The following GRID1 variants were observed in gnomAD, a reference collection of about 807,000 sequenced individuals.
The protein encoded by GRID1 is glutamate receptor ionotropic, delta-1.
A neutral mutation model predicts 98.0 loss-of-function variants in GRID1; 28 were observed. That is an observed-to-expected ratio of 0.29 (90% CI 0.21 to 0.39). The LOEUF (loss-of-function observed/expected upper bound fraction) is 0.39. Ranked by LOEUF, GRID1 falls within the 10% of genes least tolerant of loss-of-function variation. The probability of loss-of-function intolerance (pLI) is 1.00; values close to 1 mark genes in which losing one functional copy is unlikely to be tolerated. For synonymous variants in GRID1, 553 were observed against 538.5 expected, an observed-to-expected ratio of 1.03 and a Z score of -0.37; for missense variants, 1,111 against 1,340.5, an observed-to-expected ratio of 0.83 and a Z score of 2.67.
intron 13 of GRID1, among the ~76,000 whole-genome samples, chr10:85,620,409 A>T (rs1312933612): frequency 6.6e-6 from 1 of 151,520 alleles, no homozygotes; most frequent in African/African-American, 2.4e-5. Context: ...AGATTCTGAG[A>T]TCAGAAATGT....
intron 5 of GRID1, among the ~76,000 whole-genome samples, chr10:85,911,246 G>T (rs1180113905): frequency 1.3e-5 from 2 of 152,186 alleles, no homozygotes; most frequent in African/African-American, 4.8e-5. Context: ...AGTGGTCTCT[G>T]AGATCAGGAG....
chr10:86,252,451 T>A (rs1846851118), intron 2 of GRID1, among the ~76,000 whole-genome samples: 1 of 152,362 alleles, frequency 6.6e-6, no homozygotes, highest in Middle Eastern at 3.4e-3. Flanking sequence ...CACACTGCAC[T>A]GTAAGGATTA....
At chr10:85,693,276 G>A (rs1841353875) in intron 12 of GRID1, among the ~76,000 whole-genome samples, 1 of 152,146 alleles carries the variant, frequency 6.6e-6, no homozygotes, top group Non-Finnish European at 1.5e-5. Flanking sequence ...AATTATCCCA[G>A]TTTCTGCTTA....
Position 85,937,806 on chromosome 10 carries a change from C to T in GRID1, c.727-21567G>A, listed in dbSNP as rs183666177. On this transcript the variant is annotated intron_variant, in intron 4 of 15. Coordinates refer to ENST00000327946, the MANE Select transcript of GRID1 (RefSeq NM_017551.3). ...AGAGGTCAGGAAGGCTGCTAAACAT[C>T]GTACAATGCACAGTTCTGCCCCCAC... Among the ~76,000 whole-genome samples, 302 of 152,286 alleles carry T rather than the reference C, an allele frequency of 2.0e-3. 6 individuals carry two copies. In the South Asian group the frequency reaches 0.048, roughly 24 times the overall value.
intron 2 of GRID1, among the ~76,000 whole-genome samples, chr10:86,278,810 C>G (rs975425616): frequency 5.9e-5 from 9 of 152,198 alleles, no homozygotes; most frequent in African/African-American, 2.2e-4. Flanking sequence ...ACTCTAGGCC[C>G]TGATGGCCTC....
intron 4 of GRID1, among the ~76,000 whole-genome samples, chr10:85,983,808 C>T (rs940332575): frequency 3.3e-5 from 5 of 152,292 alleles, no homozygotes; most frequent in Admixed American, 3.3e-4. Context: ...CCTCCCCAAG[C>T]CCTGGTCAAG....
chr10:86,011,049 GA>G (rs1225578081), intron 4 of GRID1, among the ~76,000 whole-genome samples: 3 of 151,992 alleles, frequency 2.0e-5, no homozygotes, highest in African/African-American at 4.8e-5. Context: ...TTTGCATTTT[GA>G]AAAAAACTCA....
intron 5 of GRID1, among the ~76,000 whole-genome samples, chr10:85,901,228 T>TTTATTTAC (rs1841381326): frequency 1.3e-5 from 1 of 79,746 alleles, no homozygotes; most frequent in African/African-American, 5.9e-5. Flanking sequence ...TTTATTTTAT[T>TTTATTTAC]TTATTTATTT....
chr10:86,019,941 A>T (rs1843028310), intron 4 of GRID1, among the ~76,000 whole-genome samples: 1 of 152,246 alleles, frequency 6.6e-6, no homozygotes, highest in Non-Finnish European at 1.5e-5. Context: ...AAATATGGCC[A>T]TGCTAGGCAC....
At position 85,938,242 on chromosome 10, in the gene GRID1, A is replaced by G. The variant is rs925184466; in HGVS notation, c.727-22003T>C. On this transcript the variant is annotated intron_variant, in intron 4 of 15. Transcript: ENST00000327946. ...ATTAAGGAGAAAAATACTTGGACAT[A>G]TTTTCTATAAGTAAGACCCAATATT... is the stretch of plus-strand genomic sequence containing the variant. Among the ~76,000 whole-genome samples, 22 of 152,244 alleles carry G rather than the reference A, an allele frequency of 1.4e-4. No individual in the cohort carries two copies. The South Asian group carries it at 2.5e-3, about 17-fold the overall frequency.
intron 8 of GRID1, among the ~76,000 whole-genome samples, chr10:85,822,327 A>C (rs1336485231): frequency 1.3e-5 from 2 of 152,234 alleles, no homozygotes; most frequent in Admixed American, 6.5e-5. Flanking sequence ...CAAAGAACTC[A>C]AACAAATTTA....
chr10:86,132,107 G>A (rs2131967165), intron 4 of GRID1, among the ~76,000 whole-genome samples: 1 of 152,316 alleles, frequency 6.6e-6, no homozygotes, highest in South Asian at 2.1e-4. Context: ...CTGTCATGGA[G>A]AGGGGACAGT....
At chr10:85,989,140 G>A (rs1415824326) in intron 4 of GRID1, among the ~76,000 whole-genome samples, 1 of 152,208 alleles carries the variant, frequency 6.6e-6, no homozygotes, top group African/African-American at 2.4e-5. Context: ...GGGGTGATCA[G>A]GGCAGGGGAA....
At chr10:86,356,278 G>A (rs141816844) in intron 2 of GRID1, among the ~76,000 whole-genome samples, 20 of 152,304 alleles carry the variant, frequency 1.3e-4, no homozygotes, top group South Asian at 6.2e-4. Flanking sequence ...CTAGCATCCC[G>A]TACCCAAAAC....
rs553516733 is a variant in GRID1, at chr10:86,192,787, G to T, written c.520+13577C>A. 1.3e-5 allele frequency among the ~76,000 whole-genome samples: 2 copies of T among 152,110 alleles called. No homozygotes were observed. The highest frequency in any genetic ancestry group is 3.9e-4 in the East Asian group (2 of 5,178). On this transcript the variant is annotated intron_variant, in intron 3 of 15. Coordinates refer to ENST00000327946, the MANE Select transcript of GRID1 (RefSeq NM_017551.3). The surrounding 1 kb of genome is among the most constrained non-coding windows in gnomAD (Gnocchi z 4.8). ...CAGCACACAGGACCAGGGCCAACAG[G>T]TGATGTTCACACCGATATATGTGGT...
intron 2 of GRID1, among the ~76,000 whole-genome samples, chr10:86,246,149 G>C (rs1846722968): frequency 6.6e-6 from 1 of 152,252 alleles, no homozygotes; most frequent in Non-Finnish European, 1.5e-5. Context: ...CTGGGAACCA[G>C]GGCCTGTGCT....
chr10:85,979,990 T>G (rs943673713), intron 4 of GRID1, among the ~76,000 whole-genome samples: 11 of 152,216 alleles, frequency 7.2e-5, no homozygotes, highest in African/African-American at 2.7e-4. Context: ...AACACAAATT[T>G]GATAAAAGCA....
intron 2 of GRID1, among the ~76,000 whole-genome samples, chr10:86,315,985 C>T (rs1381904754): frequency 6.6e-6 from 1 of 152,120 alleles, no homozygotes; most frequent in Non-Finnish European, 1.5e-5. Context: ...ATCCACTCAT[C>T]CATCTATCCA....
Position 86,366,077 on chromosome 10 carries a change from C to A in GRID1, c.79+237G>T, listed in dbSNP as rs34282419. ...TCCCCGAAGCGTCGGCCCTAAGTGT[C>A]GGTAGAGGCCGCGGGGCCCCGCGCG... On this transcript the variant is annotated intron_variant, in intron 1 of 15. Transcript: ENST00000327946. The surrounding 1 kb of genome is among the most constrained non-coding windows in gnomAD (Gnocchi z 4.1). Among the ~76,000 whole-genome samples, 39,047 of 151,884 alleles carry A rather than the reference C, an allele frequency of 0.26. 5,525 individuals carry two copies. Among genetic ancestry groups the A allele is most frequent in the South Asian group, 0.47 (2,282 of 4,822 alleles).
Sources: allele counts gnomAD v4.1 joint callset (sites outside exome capture counted in the v4.1 genomes callset), GRCh38; gene constraint gnomAD v4.1.1; non-coding constraint Gnocchi (gnomAD v3.1); transcripts MANE v1.5; gene names NCBI Gene and HGNC (gene_info 2026-07-23, HGNC 2026-07-21).